TACC2: variants seen among roughly 807,000 people sequenced by gnomAD.
TACC2 encodes the protein transforming acidic coiled-coil-containing protein 2.
TACC2 carries 137 observed loss-of-function variants against 227.3 expected under a neutral mutation model. The ratio of observed to expected loss-of-function variants is 0.60; its 90% CI spans 0.52 to 0.69. The LOEUF (loss-of-function observed/expected upper bound fraction) is 0.69, where lower values mean the gene tolerates loss of function less well. Among genes scored for constraint, TACC2 ranks in the 30% least tolerant of loss-of-function variants. The pLI is 0.00. For missense variants in TACC2, 3,470 were observed against 3,694.4 expected, an observed-to-expected ratio of 0.94 and a Z score of 1.57; for synonymous variants, 1,523 against 1,487.5, an observed-to-expected ratio of 1.02 and a Z score of -0.55.
At chr10:122,006,946 C>T (rs974015393) in intron 1 of TACC2, among the ~76,000 whole-genome samples, 2 of 149,050 alleles carry the variant, frequency 1.3e-5, no homozygotes, top group Non-Finnish European at 3.0e-5. Context: ...ACCGCAACCT[C>T]TGCCTCCCGG....
chr10:122,017,818 CAAAAAAAAAAA>C (rs5788525), intron 1 of TACC2, among the ~76,000 whole-genome samples: 1 of 74,962 alleles, frequency 1.3e-5, no homozygotes, highest in African/African-American at 5.0e-5. Context: ...GAAACTGTCT[CAAAAAAAAAAA>C]AAAAAAAAAG....
intron 15 of TACC2, among the ~76,000 whole-genome samples, chr10:122,229,977 A>G (rs1177910050): frequency 1.3e-5 from 2 of 152,190 alleles, no homozygotes; most frequent in African/African-American, 4.8e-5. Flanking sequence ...AAACCTAGAG[A>G]GATTGTTAAC....
intron 7 of TACC2, among the ~76,000 whole-genome samples, chr10:122,186,322 G>A (rs983294524): frequency 2.6e-5 from 4 of 152,000 alleles, no homozygotes; most frequent in South Asian, 2.1e-4. Flanking sequence ...TTGGGAGACC[G>A]AGGCAGGAGG....
At chr10:122,214,521 A>C (rs1287164016) in intron 9 of TACC2, among the ~76,000 whole-genome samples, 1 of 152,038 alleles carries the variant, frequency 6.6e-6, no homozygotes, top group Admixed American at 6.5e-5. Flanking sequence ...AGTGGGACCA[A>C]CCCATGGAGG....
At chr10:122,040,650 A>ATT (rs1234209829) in intron 2 of TACC2, among the ~76,000 whole-genome samples, 2 of 148,740 alleles carry the variant, frequency 1.3e-5, no homozygotes, top group Non-Finnish European at 3.0e-5. Context: ...AAGAAAAGAC[A>ATT]TTCAATCCTA....
intron 5 of TACC2, among the ~76,000 whole-genome samples, chr10:122,101,398 A>G (rs956982186): frequency 4.6e-5 from 7 of 152,074 alleles, no homozygotes; most frequent in Non-Finnish European, 8.8e-5. Context: ...TGGGCTGCAC[A>G]TAGTAGCCCC....
At chr10:122,010,249 T>C (rs77689664) in intron 1 of TACC2, among the ~76,000 whole-genome samples, 1 of 152,186 alleles carries the variant, frequency 6.6e-6, no homozygotes, top group Non-Finnish European at 1.5e-5. Flanking sequence ...CAATTCTTCA[T>C]GATGTTGATA....
chr10:122,234,581 G>A (rs1357040419), intron 16 of TACC2, among the ~76,000 whole-genome samples: 1 of 152,222 alleles, frequency 6.6e-6, no homozygotes, highest in African/African-American at 2.4e-5. Context: ...TCATCAACAT[G>A]CAGATACTCA....
intron 7 of TACC2, among the ~76,000 whole-genome samples, chr10:122,144,083 A>C (rs976929252): frequency 2.6e-5 from 4 of 152,164 alleles, no homozygotes; most frequent in Non-Finnish European, 4.4e-5. Context: ...GCAAGTCTGA[A>C]ATAATGCAGG....
chr10:122,111,969 C>T (rs928986608), intron 5 of TACC2, among the ~76,000 whole-genome samples: 1 of 152,196 alleles, frequency 6.6e-6, no homozygotes, highest in Non-Finnish European at 1.5e-5. Context: ...CTCTTAGAAG[C>T]ACTGCGTTAT....
chr10:122,039,594 A>AG (rs1250616129), intron 2 of TACC2, among the ~76,000 whole-genome samples: 2 of 152,188 alleles, frequency 1.3e-5, no homozygotes, highest in Admixed American at 1.3e-4. Flanking sequence ...TGAGGGAGGC[A>AG]GGGAGGTAAG....
At chr10:122,120,378 C>T (rs189226451) in intron 5 of TACC2, among the ~76,000 whole-genome samples, 3 of 152,252 alleles carry the variant, frequency 2.0e-5, no homozygotes, top group African/African-American at 7.2e-5. Context: ...ATAGTCGAAA[C>T]CCTCATTAGG....
chr10:122,036,645 C>T lies in TACC2; in HGVS notation c.34-13793C>T, dbSNP rs142791176. On this transcript the variant is annotated intron_variant, in intron 2 of 22. Coordinates refer to ENST00000369005, the MANE Select transcript of TACC2 (RefSeq NM_206862.4). ...CCTCCCGAGTAGCTGGGATTACAGGCGTGCACCATCACACCCGGCTAATTT... is the reference window on the plus strand; with the variant it reads ...CCTCCCGAGTAGCTGGGATTACAGGTGTGCACCATCACACCCGGCTAATTT... 7.3e-3 allele frequency among the ~76,000 whole-genome samples: 1,108 copies of T among 151,964 alleles called. 93 individuals carry two copies. In the East Asian group the frequency reaches 0.18, roughly 25 times the overall value.
At chr10:122,027,937 G>C (rs112374907) in intron 2 of TACC2, among the ~76,000 whole-genome samples, 10,295 of 151,640 alleles carry the variant, frequency 0.068, 490 homozygotes, top group African/African-American at 0.13. Context: ...TAGAGACGGG[G>C]TTTCACCGTG....
intron 8 of TACC2, among the ~76,000 whole-genome samples, chr10:122,201,826 G>C (rs949233155): frequency 6.6e-6 from 1 of 152,178 alleles, no homozygotes; most frequent in African/African-American, 2.4e-5. Flanking sequence ...GTAACATTGT[G>C]GGGGGTGGTA....
chr10:122,237,884 T>C, intron 17 of TACC2, 77 bp from the exon 18 acceptor site: 1 of 1,092,248 alleles, frequency 9.2e-7, no homozygotes, highest in Non-Finnish European at 1.4e-6. Context: ...ACCGTCTCCT[T>C]TTCTTGATCT....
At chr10:122,197,543 T>C (rs1416181440) in intron 8 of TACC2, among the ~76,000 whole-genome samples, 1 of 152,244 alleles carries the variant, frequency 6.6e-6, no homozygotes, top group Non-Finnish European at 1.5e-5. Flanking sequence ...TTTTCTTAGA[T>C]GGCAGTTACT....
In TACC2 at chr10:122,082,891, G is replaced by C. The variant is rs1471076806; in HGVS notation, c.391G>C (p.Asp131His). The change falls in exon 4 of 23, where the codon GAT becomes CAT. Residue 131 changes from aspartate to histidine, a missense_variant. Physicochemically the swap from Asp to His is moderately conservative, Grantham distance 81. Transcript: ENST00000369005. ...CLASPAAAPE[D>H]GPQTQSPRRE... The stretch of plus-strand genomic sequence containing the variant: ...GGCAAGTCCAGCAGCGGCACCTGAA[G>C]ATGGTCCTCAGACTCAGTCTCCCAG... 6.2e-7 allele frequency: 1 copy of C among 1,613,364 alleles called. No homozygotes were observed. Among genetic ancestry groups the C allele is most frequent in the Non-Finnish European group, 8.5e-7 (1 of 1,180,030 alleles).
intron 2 of TACC2, among the ~76,000 whole-genome samples, chr10:122,026,141 ACCCCGTCTC>A (rs1472904113): frequency 7.6e-6 from 1 of 130,796 alleles, no homozygotes; most frequent in East Asian, 2.3e-4. Flanking sequence ...ACACGGTGAA[ACCCCGTCTC>A]TACTAAAAAT....
Sources: allele counts gnomAD v4.1 joint callset (sites outside exome capture counted in the v4.1 genomes callset), GRCh38; gene constraint gnomAD v4.1.1; transcripts MANE v1.5; gene names NCBI Gene and HGNC (gene_info 2026-07-23, HGNC 2026-07-21).